The following SOX6 variants were observed in gnomAD, a reference collection of about 807,000 sequenced individuals.
SOX6 encodes the protein transcription factor SOX-6.
SOX6 carries 11 observed loss-of-function variants against 97.8 expected under a neutral mutation model. The observed-to-expected ratio is 0.11, with a 90% CI of 0.07 to 0.19. The LOEUF (loss-of-function observed/expected upper bound fraction) is 0.19, where lower values mean the gene tolerates loss of function less well. Ranked by LOEUF, SOX6 falls within the 10% of genes least tolerant of loss-of-function variation. The pLI is 1.00. For synonymous variants in SOX6, 360 were observed against 371.4 expected, an observed-to-expected ratio of 0.97 and a Z score of 0.35; for missense variants, 810 against 1,039.5, an observed-to-expected ratio of 0.78 and a Z score of 3.04.
At chr11:16,045,204 C>T (rs1402139616) in intron 12 of SOX6, among the ~76,000 whole-genome samples, 1 of 152,048 alleles carries the variant, frequency 6.6e-6, no homozygotes, top group African/African-American at 2.4e-5. Flanking sequence ...ATATAGGGTA[C>T]TATGGAGATA....
chr11:16,473,446 G>A (rs764118652), intron 1 of SOX6, among the ~76,000 whole-genome samples: 3 of 151,934 alleles, frequency 2.0e-5, no homozygotes, highest in Non-Finnish European at 4.4e-5. Context: ...CCTTCAGCAA[G>A]ATAATCTTTT....
intron 3 of SOX6, among the ~76,000 whole-genome samples, chr11:16,648,641 G>A (rs781660707): frequency 3.3e-5 from 5 of 152,076 alleles, no homozygotes; most frequent in African/African-American, 4.8e-5. Flanking sequence ...CAATTCCACT[G>A]CCTATAACAT....
At chr11:16,325,559 T>C (rs1025745527) in intron 2 of SOX6, among the ~76,000 whole-genome samples, 1 of 152,154 alleles carries the variant, frequency 6.6e-6, no homozygotes, top group Admixed American at 6.6e-5. Context: ...TTTGGCCTTC[T>C]TGAAGATGTC....
At chr11:16,732,523 T>A in intron 2 of SOX6, among the ~76,000 whole-genome samples, 1 of 152,224 alleles carries the variant, frequency 6.6e-6, no homozygotes, top group Non-Finnish European at 1.5e-5. Flanking sequence ...TTGGGAAAAC[T>A]GGCTAGCCAC....
chr11:16,132,412 AG>A (rs1316552937), intron 6 of SOX6, among the ~76,000 whole-genome samples: 124 of 105,320 alleles, frequency 1.2e-3, no homozygotes, highest in Admixed American at 2.1e-3. Context: ...AAAGAAAGAA[AG>A]AAAGAAAGAA....
At chr11:16,013,775 G>T (rs543503726) in intron 13 of SOX6, among the ~76,000 whole-genome samples, 3 of 152,026 alleles carry the variant, frequency 2.0e-5, no homozygotes, top group African/African-American at 7.2e-5. Flanking sequence ...AATTTCTGAA[G>T]GGCTTCCTAA....
At chr11:16,424,445 C>CT (rs140977498) in intron 1 of SOX6, among the ~76,000 whole-genome samples, 1,829 of 152,218 alleles carry the variant, frequency 0.012, 36 homozygotes, top group African/African-American at 0.042. Flanking sequence ...ACTCGTTCTA[C>CT]TTCCCAAAGC....
At chr11:16,477,133 A>G (rs1049463295), upstream of SOX6, among the ~76,000 whole-genome samples, 1 of 152,198 alleles carries the variant, frequency 6.6e-6, no homozygotes, top group African/African-American at 2.4e-5. Flanking sequence ...CCATTAAAAC[A>G]AAGAAACTTT....
chr11:16,138,434 C>G (rs536564023), intron 6 of SOX6, among the ~76,000 whole-genome samples: 2 of 152,268 alleles, frequency 1.3e-5, no homozygotes, highest in Admixed American at 1.3e-4. Flanking sequence ...AGATCCAATC[C>G]AGAATCATGT....
chr11:16,115,067 A>G (rs1427760261), intron 6 of SOX6, among the ~76,000 whole-genome samples: 1 of 152,228 alleles, frequency 6.6e-6, no homozygotes, highest in Non-Finnish European at 1.5e-5. Context: ...CTGCAAAGAA[A>G]GCTATGTTAG....
chr11:16,282,156 T>C (rs1490940411), intron 3 of SOX6, among the ~76,000 whole-genome samples: 2 of 151,054 alleles, frequency 1.3e-5, no homozygotes, highest in African/African-American at 4.8e-5. Context: ...TATATTCATT[T>C]CTCAGTCAAA....
intron 3 of SOX6, among the ~76,000 whole-genome samples, chr11:16,614,973 T>C (rs1045075492): frequency 2.0e-5 from 3 of 152,130 alleles, no homozygotes; most frequent in Non-Finnish European, 4.4e-5. Context: ...AAATTAAAAA[T>C]ATAGCCACAG....
chr11:16,168,569 A>G (rs1016385780), intron 6 of SOX6, among the ~76,000 whole-genome samples: 1 of 152,136 alleles, frequency 6.6e-6, no homozygotes, highest in Non-Finnish European at 1.5e-5. Flanking sequence ...TCTTATGGAA[A>G]CCACTATATT....
intron 1 of SOX6, among the ~76,000 whole-genome samples, chr11:16,452,561 G>A (rs1401052338): frequency 6.6e-6 from 1 of 152,100 alleles, no homozygotes; most frequent in African/African-American, 2.4e-5. Context: ...ACTGTTTGAA[G>A]TTTTCTTCAG....
chr11:16,288,395 C>A (rs1034583372), intron 3 of SOX6, among the ~76,000 whole-genome samples: 1 of 151,976 alleles, frequency 6.6e-6, no homozygotes, highest in African/African-American at 2.4e-5. Flanking sequence ...CCATTCCCAT[C>A]CTCATAATAG....
intron 4 of SOX6, among the ~76,000 whole-genome samples, chr11:16,546,301 C>A (rs1361019341): frequency 6.6e-6 from 1 of 152,050 alleles, no homozygotes; most frequent in Non-Finnish European, 1.5e-5. Flanking sequence ...TTCAATGCAA[C>A]CCCTATCAAA....
intron 3 of SOX6, among the ~76,000 whole-genome samples, chr11:16,676,603 C>T (rs1847886431): frequency 6.6e-6 from 1 of 152,088 alleles, no homozygotes; most frequent in African/African-American, 2.4e-5. Context: ...CTTTTCTAAA[C>T]AAATTTTGTA....
chr11:16,564,751 A>G (rs1018613269), intron 4 of SOX6, among the ~76,000 whole-genome samples: 2 of 152,126 alleles, frequency 1.3e-5, no homozygotes, highest in Non-Finnish European at 2.9e-5. Context: ...TTTTAAAAAA[A>G]GAAACACTAA....
chr11:16,438,634 G>C (rs1286583326), intron 1 of SOX6, among the ~76,000 whole-genome samples: 1 of 151,862 alleles, frequency 6.6e-6, no homozygotes, highest in African/African-American at 2.4e-5. Context: ...AAGAGGATCT[G>C]GTCTAATAGG....
Sources: gnomAD v4.1 joint callset for allele counts (sites outside exome capture counted in the v4.1 genomes callset) on GRCh38, gnomAD v4.1.1 for gene constraint, MANE v1.5 for transcripts, NCBI Gene and HGNC (gene_info 2026-07-23, HGNC 2026-07-21) for gene names.